The following GBE1 variants were observed in gnomAD, a reference collection of about 807,000 sequenced individuals.
GBE1 encodes 1,4-alpha-glucan branching enzyme 1.
In GBE1, 70 loss-of-function variants were observed where a neutral mutation model predicts 88.8. The ratio of observed to expected loss-of-function variants is 0.79; its 90% CI spans 0.65 to 0.96. The LOEUF is 0.96. Ranked by LOEUF, GBE1 falls within the 40% of genes least tolerant of loss-of-function variation. The pLI is 0.00. For synonymous variants in GBE1, 284 were observed against 300.1 expected (o/e 0.95, Z 0.56); for missense variants, 872 against 871.0 (o/e 1.00, Z -0.01).
chr3:81,753,875 C>T (rs925066470), intron 1 of GBE1, among the ~76,000 whole-genome samples: 2 of 152,116 alleles, frequency 1.3e-5, no homozygotes, highest in Non-Finnish European at 2.9e-5. Context: ...ACAACTTGGC[C>T]AGGCACTGAG....
At chr3:81,555,824 A>AT (rs1407260159) in intron 12 of GBE1, among the ~76,000 whole-genome samples, 2 of 152,056 alleles carry the variant, frequency 1.3e-5, no homozygotes, top group Non-Finnish European at 2.9e-5. Flanking sequence ...GAAAAGCATA[A>AT]TTTTTTTAGC....
At chr3:81,501,425 C>A (rs2106813480) in intron 14 of GBE1, among the ~76,000 whole-genome samples, 1 of 152,168 alleles carries the variant, frequency 6.6e-6, no homozygotes, top group Non-Finnish European at 1.5e-5. Context: ...AGGAGGGGAT[C>A]AAAGAGCTCT....
Position 81,579,371 on chromosome 3 carries a change from A to G in GBE1, c.1447-1275T>C, listed in dbSNP as rs187494407. ...AACTTGCATTATTTCTGCTATCCTG[A>G]GAATTCCTGAATATATAAGATAGGA... On this transcript the variant is annotated intron_variant, in intron 11 of 15. Coordinates refer to ENST00000429644, the MANE Select transcript of GBE1 (RefSeq NM_000158.4). Among the ~76,000 whole-genome samples the G allele has an allele frequency of 5.9e-5, 9 of 152,234 alleles. No homozygotes were observed. The East Asian group carries it at 1.7e-3, about 29-fold the overall frequency.
intron 2 of GBE1, among the ~76,000 whole-genome samples, chr3:81,704,389 A>G (rs903535584): frequency 6.6e-6 from 1 of 152,030 alleles, no homozygotes; most frequent in African/African-American, 2.4e-5. Flanking sequence ...AGTTCTATAA[A>G]TGTTGATAAA....
intron 1 of GBE1, among the ~76,000 whole-genome samples, chr3:81,722,909 TATATATAC>T (rs1706054551): frequency 4.1e-5 from 6 of 144,580 alleles, no homozygotes; most frequent in Admixed American, 1.4e-4. Flanking sequence ...TATATATATA[TATATATAC>T]ACACAAGTAA....
chr3:81,671,531 C>T (rs913397974), intron 2 of GBE1, among the ~76,000 whole-genome samples: 3 of 151,998 alleles, frequency 2.0e-5, no homozygotes, highest in Non-Finnish European at 2.9e-5. Context: ...CGACACTTAA[C>T]GTATCATAAG....
rs113749146 is a variant in GBE1 at position 81,489,884 on chromosome 3, A to G, written c.*523T>C. The G allele has an allele frequency of 6.5e-6, 1 of 152,708 alleles. No individual in the cohort carries two copies. Among genetic ancestry groups the G allele is most frequent in the African/African-American group, 2.4e-5 (1 of 41,452 alleles). 9.5% of individuals were successfully genotyped at this position (152,708 alleles called of 1,614,324 possible). ...GTTCATACGTAATGGCTTTTATATT[A>G]CCTTGGATATAATTCTTTATATCAC... On this transcript the variant is annotated 3_prime_UTR_variant, in exon 16 of 16. Coordinates refer to ENST00000429644, the MANE Select transcript of GBE1 (RefSeq NM_000158.4).
chr3:81,676,086 A>G (rs1705247210), intron 2 of GBE1, among the ~76,000 whole-genome samples: 1 of 152,180 alleles, frequency 6.6e-6, no homozygotes, highest in Admixed American at 6.6e-5. Flanking sequence ...GTAAGAACAC[A>G]GTATATAATA....
At chr3:81,493,859 A>G (rs1359485143) in intron 15 of GBE1, among the ~76,000 whole-genome samples, 1 of 151,782 alleles carries the variant, frequency 6.6e-6, no homozygotes, top group East Asian at 1.9e-4. Flanking sequence ...GGATGCCATA[A>G]CAAAGTTCCA....
At chr3:81,741,113 T>G (rs1212995643) in intron 1 of GBE1, among the ~76,000 whole-genome samples, 1 of 152,204 alleles carries the variant, frequency 6.6e-6, no homozygotes, top group African/African-American at 2.4e-5. Context: ...AACCACAATG[T>G]CATTAACAAA....
At chr3:81,520,873 A>C (rs991196548) in intron 14 of GBE1, among the ~76,000 whole-genome samples, 1 of 151,606 alleles carries the variant, frequency 6.6e-6, no homozygotes, top group Admixed American at 6.6e-5. Flanking sequence ...TTTTCCTAGA[A>C]TATGGCTGTA....
At chr3:81,494,598 A>G (rs988240032) in intron 15 of GBE1, among the ~76,000 whole-genome samples, 1 of 152,198 alleles carries the variant, frequency 6.6e-6, no homozygotes, top group African/African-American at 2.4e-5. Context: ...TTAGCCTGTA[A>G]GCCCTAAACA....
chr3:81,730,330 T>C (rs1706168867), intron 1 of GBE1, among the ~76,000 whole-genome samples: 1 of 152,162 alleles, frequency 6.6e-6, no homozygotes, highest in African/African-American at 2.4e-5. Context: ...GCAGCAAATA[T>C]ATAGTGTTAT....
chr3:81,668,188 A>G (rs1269322375), intron 3 of GBE1, among the ~76,000 whole-genome samples: 1 of 152,062 alleles, frequency 6.6e-6, no homozygotes, highest in African/African-American at 2.4e-5. Flanking sequence ...CACGGGGAGG[A>G]GAACAACACA....
intron 7 of GBE1, among the ~76,000 whole-genome samples, chr3:81,610,749 C>T (rs967698967): frequency 6.6e-6 from 1 of 152,070 alleles, no homozygotes; most frequent in East Asian, 1.9e-4. Flanking sequence ...TGGGGGGCAC[C>T]GTGTTCCACA....
At position 81,586,208 on chromosome 3, in the gene GBE1, G is replaced by A. The variant is rs368966861; in HGVS notation, c.1237-18C>T. On this transcript the variant is annotated intron_variant, in intron 9 of 15. Coordinates refer to ENST00000429644, the MANE Select transcript of GBE1 (RefSeq NM_000158.4). ...GATACATCCTACAACAAAGAACGTC[G>A]GTTCATAATGATCAAACTTTTAGTA... The A allele has an allele frequency of 4.2e-4, 617 of 1,465,962 alleles. 1 individual carries two copies. The highest frequency in any genetic ancestry group is 1.6e-3 in the African/African-American group (111 of 70,420). The allele number at this position is 1,465,962 out of a possible 1,614,324, so 90.8% of individuals were successfully genotyped here.
chr3:81,692,342 G>A (rs1028309791), intron 2 of GBE1, among the ~76,000 whole-genome samples: 4 of 152,152 alleles, frequency 2.6e-5, no homozygotes, highest in Non-Finnish European at 4.4e-5. Flanking sequence ...ATACAGTCTC[G>A]TTTATGTTTG....
chr3:81,531,647 G>C (rs1229768856), intron 14 of GBE1, among the ~76,000 whole-genome samples: 1 of 151,534 alleles, frequency 6.6e-6, no homozygotes, highest in African/African-American at 2.4e-5. Flanking sequence ...TGAAATAGGG[G>C]CTTCAGATCT....
intron 14 of GBE1, among the ~76,000 whole-genome samples, chr3:81,511,638 C>T (rs1702726507): frequency 6.6e-6 from 1 of 151,768 alleles, no homozygotes; most frequent in African/African-American, 2.4e-5. Context: ...AATGAGAGAC[C>T]GTTTTACACC....
Sources: gnomAD v4.1 joint callset for allele counts (sites outside exome capture counted in the v4.1 genomes callset) on GRCh38, gnomAD v4.1.1 for gene constraint, MANE v1.5 for transcripts, NCBI Gene and HGNC (gene_info 2026-07-23, HGNC 2026-07-21) for gene names.